Variants in CCDC91 observed in about 807,000 individuals in gnomAD.
The protein encoded by CCDC91 is coiled-coil domain-containing protein 91.
Under a neutral mutation model 63.2 loss-of-function variants are expected in CCDC91, and 48 were observed. The observed-to-expected ratio is 0.76, with a 90% confidence interval of 0.60 to 0.97. The LOEUF is 0.97. CCDC91 is among the 50% of genes least tolerant of loss of function. The probability of loss-of-function intolerance (pLI) is 0.00; values close to 1 mark genes in which losing one functional copy is unlikely to be tolerated. For missense variants in CCDC91, 500 were observed against 494.6 expected (o/e 1.01, Z -0.10); for synonymous variants, 167 against 165.8 (o/e 1.01, Z -0.06).
intron 3 of CCDC91, among the ~76,000 whole-genome samples, chr12:28,300,838 TACTG>T (rs1937996941): frequency 6.6e-6 from 1 of 151,626 alleles, no homozygotes; most frequent in African/African-American, 2.4e-5. Context: ...TATTCTTAAG[TACTG>T]TATTGTGTCT....
At chr12:28,459,449 C>T (rs1950204492) in intron 11 of CCDC91, among the ~76,000 whole-genome samples, 4 of 152,096 alleles carry the variant, frequency 2.6e-5, no homozygotes, top group South Asian at 2.1e-4. Context: ...AACTGGGTCT[C>T]CAACAACACA....
intron 1 of CCDC91, among the ~76,000 whole-genome samples, chr12:28,205,137 A>G (rs966231520): frequency 2.0e-5 from 3 of 152,140 alleles, no homozygotes; most frequent in Non-Finnish European, 4.4e-5. Flanking sequence ...GATATTGCTC[A>G]TAGGATGTCA....
intron 12 of CCDC91, among the ~76,000 whole-genome samples, chr12:28,511,184 T>G (rs774028035): frequency 3.3e-4 from 50 of 151,864 alleles, no homozygotes; most frequent in Non-Finnish European, 6.5e-4. Flanking sequence ...TCTCCACTAC[T>G]GTGTCACAAG....
At chr12:28,202,212 T>C (rs1942508612) in intron 1 of CCDC91, among the ~76,000 whole-genome samples, 1 of 152,208 alleles carries the variant, frequency 6.6e-6, no homozygotes, top group Non-Finnish European at 1.5e-5. Flanking sequence ...TCTAAGAAAA[T>C]ATTTAGAGAA....
At chr12:28,226,120 G>T (rs1343829326) in intron 1 of CCDC91, 3 of 152,026 alleles carry the variant, frequency 2.0e-5, no homozygotes, top group Admixed American at 2.0e-4. Context: ...TTTTATTTTG[G>T]AATTTTCTGT....
At chr12:28,381,435 A>G (rs1423864814) in intron 7 of CCDC91, among the ~76,000 whole-genome samples, 2 of 152,142 alleles carry the variant, frequency 1.3e-5, no homozygotes, top group Non-Finnish European at 2.9e-5. Context: ...TTGAAAAGAT[A>G]TAGAATTATG....
At chr12:28,429,530 T>C (rs147211228) in intron 8 of CCDC91, among the ~76,000 whole-genome samples, 183 of 152,224 alleles carry the variant, frequency 1.2e-3, no homozygotes, top group African/African-American at 4.0e-3. Flanking sequence ...AATACATTCG[T>C]GATGGAAACA....
At position 28,340,867 on chromosome 12, in the gene CCDC91, C is replaced by T. The variant is rs115213054; in HGVS notation, c.577-21571C>T. ...GCAAGGACAGAGGGCTTTCTGTATC[C>T]CGAGGTTCTTGCCTTTGTGTACTGG... On this transcript the variant is annotated intron_variant, in intron 6 of 12. Transcript: ENST00000536442. Among the ~76,000 whole-genome samples the T allele has an allele frequency of 3.5e-3, 531 of 152,200 alleles. 7 individuals carry two copies. Among genetic ancestry groups the T allele is most frequent in the African/African-American group, 0.012 (496 of 41,520 alleles).
At chr12:28,519,951 T>G (rs1221877083) in intron 12 of CCDC91, among the ~76,000 whole-genome samples, 1 of 152,092 alleles carries the variant, frequency 6.6e-6, no homozygotes, top group Non-Finnish European at 1.5e-5. Flanking sequence ...ATGTGCCACA[T>G]TTTCTTAATC....
At chr12:28,203,815 A>G (rs1357785496) in intron 1 of CCDC91, among the ~76,000 whole-genome samples, 3 of 152,210 alleles carry the variant, frequency 2.0e-5, no homozygotes, top group Non-Finnish European at 4.4e-5. Flanking sequence ...TCAGTTTTGA[A>G]TAGAGGAAAT....
intron 12 of CCDC91, among the ~76,000 whole-genome samples, chr12:28,524,983 C>T (rs1399210542): frequency 6.6e-6 from 1 of 152,096 alleles, no homozygotes; most frequent in African/African-American, 2.4e-5. Flanking sequence ...TGGATGTTCT[C>T]TCTTCTTTTC....
chr12:28,257,118 ATATG>A, intron 1 of CCDC91, 80 bp from the exon 2 acceptor site: 1 of 786,098 alleles, frequency 1.3e-6, no homozygotes, highest in South Asian at 1.6e-5. Context: ...TTACAAATAA[ATATG>A]TATACATTTA....
At chr12:28,537,074 A>G (rs1229277002) in intron 12 of CCDC91, among the ~76,000 whole-genome samples, 1 of 152,072 alleles carries the variant, frequency 6.6e-6, no homozygotes, top group Non-Finnish European at 1.5e-5. Context: ...TTTTTTCAGG[A>G]CCTGAGTTAA....
intron 8 of CCDC91, among the ~76,000 whole-genome samples, chr12:28,394,737 T>TCTCTCTCTCTCTCTC (rs1216042442): frequency 1.5e-4 from 23 of 151,760 alleles, no homozygotes; most frequent in Non-Finnish European, 2.5e-4. Context: ...TCTCTCCCCC[T>TCTCTCTCTCTCTCTC]TTTTCAGATT....
At chr12:28,521,381 A>G (rs949076897) in intron 12 of CCDC91, among the ~76,000 whole-genome samples, 1 of 151,918 alleles carries the variant, frequency 6.6e-6, no homozygotes, top group Non-Finnish European at 1.5e-5. Context: ...TTTGTCTGTT[A>G]TTGGTGTATA....
rs1365033190 is a variant in CCDC91 at position 28,549,378 on chromosome 12, TTTA to T, written c.*215_*217del. The T allele has an allele frequency of 4.1e-5, 16 of 393,348 alleles. No homozygotes were observed. The highest frequency in any genetic ancestry group is 6.2e-5 in the African/African-American group (3 of 48,158). 24.4% of individuals were successfully genotyped at this position (393,348 alleles called of 1,614,324 possible). Reference sequence around the variant, plus strand: ...GTTTCTTCTTTACATTTACTGTTATTTTATTATTATTAGTAGTAGCAGCAACAG... The same window carrying T: ...GTTTCTTCTTTACATTTACTGTTATTTTATTATTAGTAGTAGCAGCAACAG... On this transcript the variant is annotated 3_prime_UTR_variant, in exon 13 of 13. Transcript: ENST00000536442.
intron 8 of CCDC91, among the ~76,000 whole-genome samples, chr12:28,393,549 T>G (rs759095976): frequency 5.9e-5 from 9 of 152,296 alleles, no homozygotes; most frequent in Non-Finnish European, 8.8e-5. Flanking sequence ...CTCTTTTCCC[T>G]AAACCATATA....
intron 3 of CCDC91, among the ~76,000 whole-genome samples, chr12:28,288,427 A>G (rs990386941): frequency 6.6e-6 from 1 of 152,172 alleles, no homozygotes; most frequent in Non-Finnish European, 1.5e-5. Context: ...AATTTTATCA[A>G]AAGCCTTTTT....
chr12:28,513,884 C>G (rs534700630), intron 12 of CCDC91, among the ~76,000 whole-genome samples: 2 of 151,818 alleles, frequency 1.3e-5, no homozygotes, highest in African/African-American at 4.8e-5. Flanking sequence ...TAGGTTGACT[C>G]CATGTCTTTG....
Sources: allele counts gnomAD v4.1 joint callset (sites outside exome capture counted in the v4.1 genomes callset), GRCh38; gene constraint gnomAD v4.1.1; transcripts MANE v1.5; gene names NCBI Gene and HGNC (gene_info 2026-07-23, HGNC 2026-07-21).